The following POLD2 variants were observed in gnomAD, a reference collection of about 807,000 sequenced individuals.
POLD2 encodes DNA polymerase delta subunit 2.
A neutral mutation model predicts 48.8 loss-of-function variants in POLD2; 31 were observed. That is an observed-to-expected ratio of 0.64 (90% CI 0.48 to 0.86). The LOEUF is 0.86. POLD2 is among the 40% of genes least tolerant of loss of function. POLD2 has a pLI of 0.00. For missense variants in POLD2, 455 were observed against 610.1 expected, an observed-to-expected ratio of 0.75 and a Z score of 2.68; for synonymous variants, 233 against 256.3, an observed-to-expected ratio of 0.91 and a Z score of 0.87.
chr7:44,115,987 A>G, intron 8 of POLD2, 94 bp from the exon 9 acceptor site: 1 of 1,602,412 alleles, frequency 6.2e-7, no homozygotes, highest in Middle Eastern at 1.7e-4. Flanking sequence ...GATGCCCCAG[A>G]GAGAAGGAAC....
Position 44,116,575 on chromosome 7 carries a change from C to T in POLD2, c.781-65G>A, listed in dbSNP as rs2096239963. ...TCCCAGGCTCAGAGGAGAGTAGAGC[C>T]CCACCAGCTGGAAGATGCAGTTGTT... On this transcript the variant is annotated intron_variant, in intron 6 of 10. Transcript: ENST00000610533. The surrounding 1 kb of genome is among the most constrained non-coding windows in gnomAD (Gnocchi z 6.1). The T allele has an allele frequency of 7.6e-7, 1 of 1,307,232 alleles. No homozygotes were observed. The highest frequency in any genetic ancestry group is 1.1e-6 in the Non-Finnish European group (1 of 926,888). 81.0% of individuals were successfully genotyped at this position (1,307,232 alleles called of 1,614,324 possible).
rs1272797041 is a variant in POLD2, at chr7:44,116,785, TG to T, written c.780+31del. The stretch of plus-strand genomic sequence containing the variant: ...CTTACAGGCTTGCAGGCTCCTGGGC[TG>T]GGGCTGAATGCAGCCAGGTGGGCTC... On this transcript the variant is annotated intron_variant, in intron 6 of 10. Transcript: ENST00000610533. The surrounding 1 kb of genome is among the most constrained non-coding windows in gnomAD (Gnocchi z 6.1). 6.2e-7 allele frequency: 1 copy of T among 1,606,360 alleles called. No homozygotes were observed. Among genetic ancestry groups the T allele is most frequent in the South Asian group, 1.1e-5 (1 of 90,866 alleles).
chr7:44,119,832 C>T (rs2096245880), intron 2 of POLD2, among the ~76,000 whole-genome samples: 2 of 152,250 alleles, frequency 1.3e-5, no homozygotes, highest in Admixed American at 1.3e-4. Flanking sequence ...ACAAGTAACT[C>T]GCCACAGTGA....
upstream of POLD2, chr7:44,123,760 C>G (rs376686638): frequency 1.3e-3 from 1,759 of 1,306,984 alleles, 24 homozygotes; most frequent in African/African-American, 0.026. Flanking sequence ...GCCGGCGCCG[C>G]GGGTCTTTGG....
chr7:44,117,469 G>A lies in POLD2; in HGVS notation c.466+150C>T, dbSNP rs192261614. On this transcript the variant is annotated intron_variant, in intron 4 of 10. Transcript: ENST00000610533. ...TCACCCAATCTGATGGCCTCCGACC[G>A]CCTGGAGCCTCACCTACCTCCTCAA... The A allele has an allele frequency of 1.9e-3, 1,908 of 1,005,794 alleles. 1 individual carries two copies. The highest frequency in any genetic ancestry group is 8.0e-3 in the Middle Eastern group (26 of 3,252). 62.3% of individuals were successfully genotyped at this position (1,005,794 alleles called of 1,614,324 possible).
At chr7:44,120,570 A>G (rs773301288) in intron 2 of POLD2, among the ~76,000 whole-genome samples, 3 of 152,224 alleles carry the variant, frequency 2.0e-5, no homozygotes, top group Non-Finnish European at 4.4e-5. Context: ...ATCTGGAATT[A>G]TAATCCACAC....
Position 44,115,385 on chromosome 7 carries a change from AG to A in POLD2, c.1158del (p.Phe387SerfsTer40), listed in dbSNP as rs770677793. On this transcript the variant is annotated frameshift_variant, in exon 10 of 11. Coordinates refer to ENST00000610533, the MANE Select transcript of POLD2 (RefSeq NM_006230.4). LOFTEE classifies it high-confidence loss of function. ...PTAPDTLGCYPFYKTDPFIFP... is the reference protein window; with the variant it reads ...PTAPDTLGCYXFYKTDPFIFP... ...AAGATGAACGGGTCAGTTTTGTAGA[AG>A]GGGTAACAACCTGGAGGAGAAGGGG... is the stretch of plus-strand genomic sequence containing the variant. 6.2e-7 allele frequency: 1 copy of A among 1,610,972 alleles called. No homozygotes were observed. Among genetic ancestry groups the A allele is most frequent in the Non-Finnish European group, 8.5e-7 (1 of 1,177,072 alleles).
rs2096248412 is a variant in POLD2, at chr7:44,121,741, G to A, written c.220+93C>T. On this transcript the variant is annotated intron_variant, in intron 2 of 10. Coordinates refer to ENST00000610533, the MANE Select transcript of POLD2 (RefSeq NM_006230.4). The surrounding 1 kb of genome is among the most constrained non-coding windows in gnomAD (Gnocchi z 4.5). ...AATTTTCCCAAGGTAACAGGAAGTG[G>A]GATCAATTAGATAAACTGTTCCCAT... 4 of 1,227,970 alleles carry A rather than the reference G, an allele frequency of 3.3e-6. No individual in the cohort carries two copies. The highest frequency in any genetic ancestry group is 4.5e-6 in the Non-Finnish European group (4 of 886,706). 76.1% of individuals were successfully genotyped at this position (1,227,970 alleles called of 1,614,324 possible). A position where few individuals can be genotyped will look rare whatever the true frequency, so the allele number is the denominator to read the frequency against.
At position 44,114,695 on chromosome 7, in the gene POLD2, G is replaced by T; in HGVS notation, c.*90C>A. 1 of 1,370,610 alleles carries T rather than the reference G, an allele frequency of 7.3e-7. No homozygotes were observed. Among genetic ancestry groups the T allele is most frequent in the Non-Finnish European group, 1.0e-6 (1 of 998,460 alleles). The allele number at this position is 1,370,610 out of a possible 1,614,324, so 84.9% of individuals were successfully genotyped here. On this transcript the variant is annotated 3_prime_UTR_variant, in exon 11 of 11. Coordinates refer to ENST00000610533, the MANE Select transcript of POLD2 (RefSeq NM_006230.4). ...TGCCCAGGGCTCAAGGCTCGCATCAGCAAGTGCTCAGGCTTTATTTACAAT... is the reference window on the plus strand; with the variant it reads ...TGCCCAGGGCTCAAGGCTCGCATCATCAAGTGCTCAGGCTTTATTTACAAT...
At chr7:44,123,749 G>A (rs1032892522), upstream of POLD2, 211 of 1,320,660 alleles carry the variant, frequency 1.6e-4, no homozygotes, top group Non-Finnish European at 3.2e-5. Context: ...GGGGCTCGCA[G>A]GCCGGCGCCG....
rs764532902 is a variant in POLD2 at position 44,116,866 on chromosome 7, G to A, written c.731C>T (p.Ala244Val). ...GGTGCTGTGGCTGAGGAGGTTGCCA[G>A]CGAGGATAACCCGGGAGACGTGGGC... The part of the protein sequence containing the change: ...SAAHVSRVIL[A>V]GNLLSHSTQS... Residue 244 changes from alanine to valine, a missense_variant, in exon 6 of 11, where the codon GCT (alanine) becomes GTT (valine). Coordinates refer to ENST00000610533, the MANE Select transcript of POLD2 (RefSeq NM_006230.4). The surrounding 1 kb of genome is among the most constrained non-coding windows in gnomAD (Gnocchi z 6.1). The A allele has an allele frequency of 6.2e-7, 1 of 1,614,008 alleles. No individual in the cohort carries two copies. The highest frequency in any genetic ancestry group is 2.2e-5 in the East Asian group (1 of 44,882).
chr7:44,115,534 T>C, intron 9 of POLD2, 138 bp from the exon 10 acceptor site: 1 of 735,562 alleles, frequency 1.4e-6, no homozygotes, highest in Non-Finnish European at 2.3e-6. Context: ...CCTCCAGACA[T>C]TGTCACAAGA....
rs767143565 is a variant in POLD2 at position 44,114,894 on chromosome 7, G to C, written c.1301C>G (p.Thr434Arg). ...CAGGTTCACAAGGCAGGCGGTCTGC[G>C]TGGCACTGAAGTCAGGGACAGTCAC... ...LLVTVPDFSA[T>R]QTACLVNLRS... is the part of the protein sequence containing the mutation. Residue 434 changes from threonine (T) to arginine (R), a missense_variant, in exon 11 of 11, where the codon ACG becomes AGG. Thr to Arg is a moderately conservative substitution (Grantham distance 71, BLOSUM62 -1). Transcript: ENST00000610533. 7 of 1,613,722 alleles carry C rather than the reference G, an allele frequency of 4.3e-6. 1 individual carries two copies. The Admixed American group carries it at 6.7e-5, about 15-fold the overall frequency.
At chr7:44,118,207 C>T in intron 2 of POLD2, 143 bp from the exon 3 acceptor site, 1 of 928,022 alleles carries the variant, frequency 1.1e-6, no homozygotes, top group Non-Finnish European at 1.6e-6. Flanking sequence ...CAAGGACCCC[C>T]TGGACTTCAC....
In POLD2 at chr7:44,116,729, G is replaced by A; in HGVS notation, c.780+88C>T. ...TCCCACCGACCTGCGAGACCTCACA[G>A]GGTACCCTACTCGCCCTGGGGAAGG... On this transcript the variant is annotated intron_variant, in intron 6 of 10. Coordinates refer to ENST00000610533, the MANE Select transcript of POLD2 (RefSeq NM_006230.4). The surrounding 1 kb of genome is among the most constrained non-coding windows in gnomAD (Gnocchi z 6.1). The A allele has an allele frequency of 6.9e-7, 1 of 1,444,474 alleles. No homozygotes were observed. The highest frequency in any genetic ancestry group is 9.6e-7 in the Non-Finnish European group (1 of 1,040,264). The allele number at this position is 1,444,474 out of a possible 1,614,324, so 89.5% of individuals were successfully genotyped here.
Position 44,115,403 on chromosome 7 carries a change from G to T in POLD2, c.1148-7C>A. On this transcript the variant is annotated splice_region_variant and splice_polypyrimidine_tract_variant and intron_variant, in intron 9 of 10. Coordinates refer to ENST00000610533, the MANE Select transcript of POLD2 (RefSeq NM_006230.4). ...TTGTAGAAGGGGTAACAACCTGGAG[G>T]AGAAGGGGCAGCTCTGAGGAGGGTT... The T allele has an allele frequency of 1.9e-6, 3 of 1,567,866 alleles. No individual in the cohort carries two copies. Among genetic ancestry groups the T allele is most frequent in the Non-Finnish European group, 2.6e-6 (3 of 1,137,848 alleles).
intron 1 of POLD2, chr7:44,122,479 G>C: frequency 9.8e-7 from 1 of 1,024,290 alleles, no homozygotes; most frequent in Non-Finnish European, 1.2e-6. Context: ...TTCCAGACAA[G>C]AGGTCTGCCT....
rs3087363 is a variant in POLD2, at chr7:44,118,068, G to A, written c.221-4C>T. The A allele has an allele frequency of 3.9e-3, 6,344 of 1,613,946 alleles. 217 individuals carry two copies. The Admixed American group carries it at 0.06, about 15-fold the overall frequency. On this transcript the variant is annotated splice_region_variant and splice_polypyrimidine_tract_variant and intron_variant, in intron 2 of 10. Transcript: ENST00000610533. ...TTCTTCACTCCCACTCCACTGCCTG[G>A]GACACGAGGGGTACAGACTCAGAGA...
intron 4 of POLD2, 180 bp from the exon 5 acceptor site, chr7:44,117,427 C>T: frequency 1.3e-6 from 1 of 750,316 alleles, no homozygotes; most frequent in Non-Finnish European, 2.2e-6. Flanking sequence ...TGGGGAGACC[C>T]ATCTCCCAGC....
Sources: allele counts gnomAD v4.1 joint callset (sites outside exome capture counted in the v4.1 genomes callset), GRCh38; gene constraint gnomAD v4.1.1; non-coding constraint Gnocchi (gnomAD v3.1); transcripts MANE v1.5; gene names NCBI Gene and HGNC (gene_info 2026-07-23, HGNC 2026-07-21).